The following CATSPERE variants were observed in gnomAD, a reference collection of about 807,000 sequenced individuals.
The protein encoded by CATSPERE is catsper channel auxiliary subunit epsilon.
Under a neutral mutation model 114.1 loss-of-function variants are expected in CATSPERE, and 93 were observed. The observed-to-expected ratio is 0.81, with a 90% CI of 0.69 to 0.97. The LOEUF (loss-of-function observed/expected upper bound fraction) is 0.97. Ranked by LOEUF, CATSPERE falls within the 50% of genes least tolerant of loss-of-function variation. The probability of loss-of-function intolerance (pLI) is 0.00; values close to 1 mark genes in which losing one functional copy is unlikely to be tolerated. For synonymous variants in CATSPERE, 341 were observed against 384.1 expected (o/e 0.89, Z 1.31); for missense variants, 1,058 against 1,131.6 (o/e 0.93, Z 0.93).
intron 8 of CATSPERE, among the ~76,000 whole-genome samples, chr1:244,548,262 G>T (rs1390329399): frequency 6.6e-6 from 1 of 152,230 alleles, no homozygotes; most frequent in Non-Finnish European, 1.5e-5. Context: ...ACGCATGAAA[G>T]AAAGTAGCCA....
At chr1:244,616,254 T>C (rs1671383819) in intron 19 of CATSPERE, among the ~76,000 whole-genome samples, 1 of 152,198 alleles carries the variant, frequency 6.6e-6, no homozygotes, top group African/African-American at 2.4e-5. Context: ...TGCCATCTAA[T>C]CATGATAACA....
rs1049483953 is a variant in CATSPERE, at chr1:244,575,210, T to C, written c.1950+2438T>C. Reference sequence around the variant, plus strand: ...CTTACACTTAGTTTCTTGGGCTGGGTGGGATCCTTGTGGCCACAGCCCAGG... The same window carrying C: ...CTTACACTTAGTTTCTTGGGCTGGGCGGGATCCTTGTGGCCACAGCCCAGG... On this transcript the variant is annotated intron_variant, in intron 11 of 21. Transcript: ENST00000366534. This position sits in a 1 kb window ranked among gnomAD's most constrained non-coding sequence, Gnocchi z 4.5. Among the ~76,000 whole-genome samples the C allele has an allele frequency of 6.6e-6, 1 of 152,184 alleles. No homozygotes were observed. The highest frequency in any genetic ancestry group is 1.9e-4 in the East Asian group (1 of 5,188).
chr1:244,590,636 A>C (rs1667605864), intron 14 of CATSPERE, among the ~76,000 whole-genome samples: 1 of 152,198 alleles, frequency 6.6e-6, no homozygotes, highest in Non-Finnish European at 1.5e-5. Flanking sequence ...CTGCTGTCTC[A>C]AAACCATAAT....
rs376905983 is a variant in CATSPERE, at chr1:244,594,413, G to A, written c.2303+835G>A. 1.4e-4 allele frequency among the ~76,000 whole-genome samples: 22 copies of A among 152,180 alleles called. 1 individual carries two copies. Among genetic ancestry groups the A allele is most frequent in the Middle Eastern group, 3.4e-3 (1 of 294 alleles). ...AGTGATTTTGTATTTGTTTGCTTTC[G>A]TCTCTGACTTTATTCTTTTATTCTT... is the stretch of plus-strand genomic sequence containing the variant. On this transcript the variant is annotated intron_variant, in intron 17 of 21. Transcript: ENST00000366534.
intron 20 of CATSPERE, among the ~76,000 whole-genome samples, chr1:244,631,124 C>T (rs544209824): frequency 9.2e-5 from 14 of 151,992 alleles, no homozygotes; most frequent in African/African-American, 2.9e-4. Context: ...TGAGATGGAG[C>T]GTGATAAGAA....
intron 8 of CATSPERE, among the ~76,000 whole-genome samples, chr1:244,534,580 G>T (rs767972584): frequency 6.6e-6 from 1 of 151,654 alleles, no homozygotes; most frequent in East Asian, 1.9e-4. Context: ...TCATTATGTC[G>T]ATTGCATTTT....
chr1:244,639,812 C>G, intron 21 of CATSPERE, 116 bp from the exon 22 acceptor site: 3 of 935,760 alleles, frequency 3.2e-6, no homozygotes, highest in Non-Finnish European at 4.8e-6. Flanking sequence ...GTCTTATTCA[C>G]CTTTGCTCTC....
At chr1:244,497,896 A>G (rs2148270048) in intron 6 of CATSPERE, among the ~76,000 whole-genome samples, 1 of 152,306 alleles carries the variant, frequency 6.6e-6, no homozygotes, top group African/African-American at 2.4e-5. Context: ...TGATGTTGGG[A>G]AAGAACATGA....
intron 13 of CATSPERE, 147 bp from the exon 14 acceptor site, chr1:244,588,335 G>A: frequency 3.7e-6 from 2 of 533,400 alleles, no homozygotes; most frequent in South Asian, 7.1e-5. Context: ...GAAAGAGGAA[G>A]AAAACAGTGC....
chr1:244,571,747 T>C (rs1007186975), intron 10 of CATSPERE, among the ~76,000 whole-genome samples: 2 of 152,272 alleles, frequency 1.3e-5, no homozygotes, highest in African/African-American at 2.4e-5. Context: ...TCAGGATTAG[T>C]TTCTATGAGG....
intron 2 of CATSPERE, among the ~76,000 whole-genome samples, chr1:244,477,142 C>T (rs903365150): frequency 5.9e-5 from 9 of 152,124 alleles, no homozygotes; most frequent in African/African-American, 1.9e-4. Flanking sequence ...ATTACAGGCG[C>T]GTGCCACCAC....
At chr1:244,623,111 T>C (rs2806620) in intron 20 of CATSPERE, among the ~76,000 whole-genome samples, 149,511 of 151,846 alleles carry the variant, frequency 0.98, 73,657 homozygotes, top group East Asian at 1. Flanking sequence ...CTTGCTCTGT[T>C]GCCCGGACTG....
chr1:244,622,526 C>T (rs1672530859), intron 20 of CATSPERE, among the ~76,000 whole-genome samples: 1 of 151,902 alleles, frequency 6.6e-6, no homozygotes, highest in Non-Finnish European at 1.5e-5. Flanking sequence ...GCCTCAGCCT[C>T]CCGTGTAGCT....
intron 2 of CATSPERE, among the ~76,000 whole-genome samples, chr1:244,475,532 C>G (rs1188670928): frequency 6.9e-6 from 1 of 144,342 alleles, no homozygotes; most frequent in Non-Finnish European, 1.5e-5. Context: ...CTGCACCTGG[C>G]CACAATTTTT....
rs778957359 is a variant in CATSPERE, at chr1:244,552,329, C to A, written c.544C>A (p.Arg182Ser). 1.9e-6 allele frequency: 3 copies of A among 1,605,146 alleles called. No individual in the cohort carries two copies. The highest frequency in any genetic ancestry group is 2.6e-6 in the Non-Finnish European group (3 of 1,175,560). Residue 182 changes from arginine (R) to serine (S), a missense_variant, in exon 9 of 22, where the codon CGT becomes AGT. This residue lies in a region of CATSPERE where 271 missense variants were observed against 225.9 expected (regional missense o/e 1.20). Transcript: ENST00000366534. ...TTTTCTTTCTCTTCTTAGGACCTGGCGTATTGTAGTACCAATGACAAAAGA... is the reference window on the plus strand; with the variant it reads ...TTTTCTTTCTCTTCTTAGGACCTGGAGTATTGTAGTACCAATGACAAAAGA... Reference protein sequence around the residue: ...SNEKMRRGTWRIVVPMTKDDA... With the variant: ...SNEKMRRGTWSIVVPMTKDDA...
intron 12 of CATSPERE, among the ~76,000 whole-genome samples, chr1:244,582,910 GATATAT>G (rs66677443): frequency 1.4e-5 from 2 of 142,516 alleles, no homozygotes; most frequent in Admixed American, 6.9e-5. Flanking sequence ...AACAGAATTT[GATATAT>G]ATATATATAT....
intron 8 of CATSPERE, among the ~76,000 whole-genome samples, chr1:244,534,132 A>G (rs3005965): frequency 0.87 from 132,553 of 152,144 alleles, 58,681 homozygotes; most frequent in East Asian, 1. Flanking sequence ...GCTGCCAGAC[A>G]TATTGGACCT....
intron 2 of CATSPERE, among the ~76,000 whole-genome samples, chr1:244,471,122 A>C (rs1347966949): frequency 6.6e-6 from 1 of 152,224 alleles, no homozygotes; most frequent in African/African-American, 2.4e-5. Context: ...AAGATACTAA[A>C]AACCATTGTA....
chr1:244,639,162 C>T (rs1052461342), intron 21 of CATSPERE, among the ~76,000 whole-genome samples: 2 of 152,234 alleles, frequency 1.3e-5, no homozygotes, highest in African/African-American at 2.4e-5. Context: ...GCTGCAGTTC[C>T]AGAATGTCTA....
Sources: gnomAD v4.1 joint callset for allele counts (sites outside exome capture counted in the v4.1 genomes callset) on GRCh38, gnomAD v4.1.1 for gene constraint, gnomAD v4.1.1 regional missense constraint, Gnocchi (gnomAD v3.1) non-coding constraint, MANE v1.5 for transcripts, NCBI Gene and HGNC (gene_info 2026-07-23, HGNC 2026-07-21) for gene names.